Variants in CPQ observed in about 807,000 individuals in gnomAD.
CPQ encodes the protein Ser-Met dipeptidase.
A neutral mutation model predicts 45.7 loss-of-function variants in CPQ; 37 were observed. The ratio of observed to expected loss-of-function variants is 0.81; its 90% confidence interval spans 0.62 to 1.07. The LOEUF is 1.07. CPQ is among the 50% of genes least tolerant of loss of function. The pLI is 0.00. For synonymous variants in CPQ, 186 were observed against 205.8 expected, an observed-to-expected ratio of 0.90 and a Z score of 0.82; for missense variants, 537 against 572.9, an observed-to-expected ratio of 0.94 and a Z score of 0.64.
chr8:96,976,247 C>CAAAAAAAAAAAAA (rs55864086), intron 5 of CPQ, among the ~76,000 whole-genome samples: 9 of 60,826 alleles, frequency 1.5e-4, no homozygotes, highest in South Asian at 8.7e-4. Flanking sequence ...CAATAGCTGA[C>CAAAAAAAAAAAAA]AAAAAAAAAA....
intron 1 of CPQ, among the ~76,000 whole-genome samples, chr8:96,764,045 TAA>T (rs1208391122): frequency 3.3e-5 from 5 of 152,274 alleles, no homozygotes; most frequent in Admixed American, 2.6e-4. Context: ...TATGCCCATA[TAA>T]AGAGTACAAA....
At chr8:96,967,479 T>G (rs1277527345) in intron 5 of CPQ, among the ~76,000 whole-genome samples, 1 of 152,210 alleles carries the variant, frequency 6.6e-6, no homozygotes, top group Non-Finnish European at 1.5e-5. Context: ...TGAATCTTAC[T>G]TCTTCGGTAT....
At chr8:96,654,029 C>A (rs775952048) in intron 1 of CPQ, among the ~76,000 whole-genome samples, 4 of 152,198 alleles carry the variant, frequency 2.6e-5, no homozygotes, top group Non-Finnish European at 4.4e-5. Context: ...ATCATAGAAG[C>A]GTTCATGTCA....
intron 2 of CPQ, among the ~76,000 whole-genome samples, chr8:96,830,073 C>T (rs1443356422): frequency 6.6e-6 from 1 of 152,174 alleles, no homozygotes; most frequent in Non-Finnish European, 1.5e-5. Context: ...TTCCTTACCA[C>T]TTCTCCATGG....
At chr8:97,076,248 A>T (rs1381132684) in intron 7 of CPQ, among the ~76,000 whole-genome samples, 1 of 151,882 alleles carries the variant, frequency 6.6e-6, no homozygotes, top group African/African-American at 2.4e-5. Flanking sequence ...CTGGTCTCGA[A>T]CACCTGACGT....
chr8:96,962,568 G>T (rs1210692202), intron 4 of CPQ, among the ~76,000 whole-genome samples: 1 of 152,162 alleles, frequency 6.6e-6, no homozygotes, highest in Admixed American at 6.5e-5. Context: ...GTCTGTTTTT[G>T]TTTGTTTGTC....
At chr8:96,955,553 C>A (rs1039740423) in intron 4 of CPQ, among the ~76,000 whole-genome samples, 1 of 152,098 alleles carries the variant, frequency 6.6e-6, no homozygotes, top group Non-Finnish European at 1.5e-5. Flanking sequence ...CAAAAAAGAG[C>A]CTGCATTGCC....
At chr8:96,929,387 G>A (rs1465144279) in intron 4 of CPQ, among the ~76,000 whole-genome samples, 2 of 152,178 alleles carry the variant, frequency 1.3e-5, no homozygotes, top group Non-Finnish European at 2.9e-5. Context: ...GTGTCCTATT[G>A]TAAAGAAGTT....
At chr8:97,038,985 T>C (rs748161583) in intron 6 of CPQ, among the ~76,000 whole-genome samples, 42 of 152,296 alleles carry the variant, frequency 2.8e-4, no homozygotes, top group Non-Finnish European at 5.0e-4. Context: ...TAGCACATAG[T>C]GGAATTCTAA....
chr8:96,929,254 C>T (rs1812939078), intron 4 of CPQ, among the ~76,000 whole-genome samples: 1 of 152,080 alleles, frequency 6.6e-6, no homozygotes. Flanking sequence ...TATAACATTC[C>T]ATTTTGTCAG....
chr8:96,890,316 G>T (rs1476445401), intron 4 of CPQ, among the ~76,000 whole-genome samples: 2 of 152,212 alleles, frequency 1.3e-5, no homozygotes, highest in Non-Finnish European at 2.9e-5. Flanking sequence ...TCTTTCTGTA[G>T]CTGGTCACGT....
intron 5 of CPQ, among the ~76,000 whole-genome samples, chr8:97,029,025 A>G (rs1809848528): frequency 6.6e-6 from 1 of 152,210 alleles, no homozygotes; most frequent in Admixed American, 6.5e-5. Flanking sequence ...AATTAAGATC[A>G]TTGAAAGACC....
At position 96,871,531 on chromosome 8, in the gene CPQ, GTTTTTTT is replaced by G. The variant is rs529360931; in HGVS notation, c.642-8248_642-8242del. On this transcript the variant is annotated intron_variant, in intron 3 of 7. Transcript: ENST00000220763. ...TGATAGCTTCAGGCTTTGCTTCCAG[GTTTTTTT>G]TTTTTTTTTTTTTTTTTTAAGCAGG... Among the ~76,000 whole-genome samples the G allele has an allele frequency of 4.7e-5, 5 of 107,022 alleles. 1 individual carries two copies. Among genetic ancestry groups the G allele is most frequent in the Admixed American group, 3.0e-4 (3 of 10,006 alleles). 70.2% of individuals were successfully genotyped at this position (107,022 alleles called of 152,430 possible). A position where few individuals can be genotyped will look rare whatever the true frequency, so the allele number is the denominator to read the frequency against.
intron 7 of CPQ, among the ~76,000 whole-genome samples, chr8:97,121,413 C>T (rs1418324731): frequency 1.3e-5 from 2 of 151,990 alleles, no homozygotes; most frequent in Non-Finnish European, 2.9e-5. Context: ...GAACAGAGAC[C>T]CTAGAAGGGC....
At chr8:96,755,938 A>G (rs998836777) in intron 1 of CPQ, among the ~76,000 whole-genome samples, 10 of 152,054 alleles carry the variant, frequency 6.6e-5, no homozygotes, top group African/African-American at 2.4e-4. Context: ...CAATTAGTGC[A>G]GCAGGATATC....
At chr8:96,890,633 C>T (rs976305625) in intron 4 of CPQ, among the ~76,000 whole-genome samples, 3 of 152,150 alleles carry the variant, frequency 2.0e-5, no homozygotes, top group African/African-American at 7.2e-5. Flanking sequence ...GGATCAGTTG[C>T]CCCGGCCAAC....
intron 5 of CPQ, among the ~76,000 whole-genome samples, chr8:97,015,801 A>G (rs1450824028): frequency 2.0e-5 from 3 of 152,162 alleles, no homozygotes; most frequent in Admixed American, 1.3e-4. Context: ...AGTAGCTAAA[A>G]TAAGTGAAGA....
At chr8:96,805,977 A>G (rs1586408065) in intron 2 of CPQ, among the ~76,000 whole-genome samples, 1 of 152,146 alleles carries the variant, frequency 6.6e-6, no homozygotes, top group East Asian at 1.9e-4. Flanking sequence ...ACTTCTGGCA[A>G]TGGATCAGCC....
chr8:96,848,285 AT>A (rs1348239212), intron 3 of CPQ, among the ~76,000 whole-genome samples: 2 of 152,196 alleles, frequency 1.3e-5, no homozygotes, highest in Non-Finnish European at 2.9e-5. Flanking sequence ...AACTTACATA[AT>A]TTGGGGGCCT....
Sources: gnomAD v4.1 joint callset for allele counts (sites outside exome capture counted in the v4.1 genomes callset) on GRCh38, gnomAD v4.1.1 for gene constraint, MANE v1.5 for transcripts, NCBI Gene and HGNC (gene_info 2026-07-23, HGNC 2026-07-21) for gene names.